The following PTPRD variants were observed in gnomAD, a reference collection of about 807,000 sequenced individuals.
PTPRD encodes the protein receptor-type tyrosine-protein phosphatase delta.
A neutral mutation model predicts 214.5 loss-of-function variants in PTPRD; 34 were observed. The ratio of observed to expected loss-of-function variants is 0.16; its 90% confidence interval spans 0.12 to 0.21. The LOEUF (loss-of-function observed/expected upper bound fraction) is 0.21. Among genes scored for constraint, PTPRD ranks in the 10% least tolerant of loss-of-function variants. The pLI is 1.00. For missense variants in PTPRD, 2,545 were observed against 2,398.7 expected, an observed-to-expected ratio of 1.06 and a Z score of -1.27; for synonymous variants, 1,128 against 845.7, an observed-to-expected ratio of 1.33 and a Z score of -5.79.
At chr9:10,119,509 G>A (rs2098757970) in intron 3 of PTPRD, among the ~76,000 whole-genome samples, 1 of 151,898 alleles carries the variant, frequency 6.6e-6, no homozygotes, top group African/African-American at 2.4e-5. Flanking sequence ...AATATCGAAT[G>A]TGTAAAAGGA....
intron 9 of PTPRD, among the ~76,000 whole-genome samples, chr9:9,393,172 C>G (rs1300059059): frequency 2.6e-5 from 4 of 152,026 alleles, no homozygotes; most frequent in African/African-American, 4.8e-5. Context: ...TTTAGCTGAA[C>G]TGAGAAGAAA....
chr9:10,395,632 G>A (rs1200040001), intron 2 of PTPRD, among the ~76,000 whole-genome samples: 2 of 151,838 alleles, frequency 1.3e-5, no homozygotes, highest in African/African-American at 4.8e-5. Context: ...ACTAATTGTT[G>A]TCCTGCCATC....
intron 9 of PTPRD, among the ~76,000 whole-genome samples, chr9:9,297,136 C>T (rs1953374969): frequency 6.6e-6 from 1 of 151,680 alleles, no homozygotes; most frequent in African/African-American, 2.4e-5. Context: ...CACAGTCTTC[C>T]CAAATTTCTC....
intron 2 of PTPRD, among the ~76,000 whole-genome samples, chr9:10,427,491 G>A (rs684504): frequency 0.069 from 10,480 of 152,056 alleles, 1,232 homozygotes; most frequent in African/African-American, 0.23. Flanking sequence ...TACTTAGTAA[G>A]CATTACTCCA....
chr9:10,086,195 T>C (rs1348734876), intron 3 of PTPRD, among the ~76,000 whole-genome samples: 8 of 151,776 alleles, frequency 5.3e-5, no homozygotes, highest in Admixed American at 5.3e-4. Flanking sequence ...ATAGTAAAAA[T>C]CCTAAATATA....
At chr9:10,307,509 G>A (rs1431776669) in intron 3 of PTPRD, among the ~76,000 whole-genome samples, 1 of 152,026 alleles carries the variant, frequency 6.6e-6, no homozygotes, top group Non-Finnish European at 1.5e-5. Context: ...TGTAAATAGA[G>A]CTACAATATA....
At chr9:8,722,792 T>C (rs2098515409) in intron 12 of PTPRD, among the ~76,000 whole-genome samples, 1 of 152,210 alleles carries the variant, frequency 6.6e-6, no homozygotes, top group Admixed American at 6.5e-5. Context: ...TGTAAAACTA[T>C]CATCTGCTTT....
chr9:10,523,714 A>C (rs2134305159), intron 2 of PTPRD, among the ~76,000 whole-genome samples: 1 of 148,504 alleles, frequency 6.7e-6, no homozygotes, highest in East Asian at 2.0e-4. Context: ...TACAGGTGAA[A>C]TTTTACATAA....
At chr9:9,390,157 T>C (rs2065292324) in intron 9 of PTPRD, among the ~76,000 whole-genome samples, 1 of 152,090 alleles carries the variant, frequency 6.6e-6, no homozygotes, top group Non-Finnish European at 1.5e-5. Flanking sequence ...TGGGGATTCC[T>C]GGGACAGCGG....
At chr9:8,457,291 G>A (rs1038461444) in intron 33 of PTPRD, among the ~76,000 whole-genome samples, 1 of 152,000 alleles carries the variant, frequency 6.6e-6, no homozygotes, top group African/African-American at 2.4e-5. Flanking sequence ...GCCGAACGTT[G>A]CTACTATCTT....
intron 14 of PTPRD, among the ~76,000 whole-genome samples, chr9:8,554,605 C>CT (rs1458928619): frequency 6.6e-6 from 1 of 152,132 alleles, no homozygotes; most frequent in East Asian, 1.9e-4. Context: ...AAGAAATGGA[C>CT]TTTGAGTGCC....
intron 4 of PTPRD, among the ~76,000 whole-genome samples, chr9:10,012,936 C>A (rs1421248943): frequency 6.6e-6 from 1 of 151,778 alleles, no homozygotes; most frequent in Non-Finnish European, 1.5e-5. Context: ...TGGAAATGAT[C>A]TTTGTAATTT....
At chr9:9,879,222 T>C (rs1196172392) in intron 5 of PTPRD, among the ~76,000 whole-genome samples, 2 of 152,200 alleles carry the variant, frequency 1.3e-5, no homozygotes, top group Non-Finnish European at 2.9e-5. Flanking sequence ...TAAAGGTTTT[T>C]CAACCTCCTT....
At chr9:10,222,355 G>A (rs934606931) in intron 3 of PTPRD, among the ~76,000 whole-genome samples, 4 of 151,896 alleles carry the variant, frequency 2.6e-5, no homozygotes, top group Admixed American at 6.6e-5. Flanking sequence ...AAAATAAATA[G>A]AAATTGGCCA....
Position 9,791,327 on chromosome 9 carries a change from T to C in PTPRD, c.-367-24476A>G, listed in dbSNP as rs528941773. ...GTTCTTTAAGAAATTCATAAGATCA[T>C]AGAATCATGTTTTTTTTAAGCTGAA... On this transcript the variant is annotated intron_variant, in intron 5 of 45. Transcript: ENST00000381196. 4.6e-5 allele frequency among the ~76,000 whole-genome samples: 7 copies of C among 152,048 alleles called. No individual in the cohort carries two copies. The South Asian group carries it at 8.3e-4, about 18-fold the overall frequency.
intron 14 of PTPRD, among the ~76,000 whole-genome samples, chr9:8,566,791 C>T (rs2089424205): frequency 6.6e-6 from 1 of 152,108 alleles, no homozygotes; most frequent in African/African-American, 2.4e-5. Context: ...AAACATAGTT[C>T]CAGCCCATTC....
At chr9:8,525,757 G>C (rs1453094754) in intron 17 of PTPRD, among the ~76,000 whole-genome samples, 1 of 152,130 alleles carries the variant, frequency 6.6e-6, no homozygotes, top group Non-Finnish European at 1.5e-5. Flanking sequence ...AGGACCCTGA[G>C]ATGGATCCCC....
intron 7 of PTPRD, among the ~76,000 whole-genome samples, chr9:9,646,682 C>A (rs1048142056): frequency 6.6e-6 from 1 of 152,096 alleles, no homozygotes; most frequent in African/African-American, 2.4e-5. Context: ...ACAGGGCGTA[C>A]ATTCTAAGAC....
At chr9:9,032,036 A>C (rs1010922322) in intron 10 of PTPRD, among the ~76,000 whole-genome samples, 10 of 151,986 alleles carry the variant, frequency 6.6e-5, no homozygotes, top group Non-Finnish European at 2.9e-5. Flanking sequence ...TCATTATAAA[A>C]AGCTTTTTTT....
Sources: allele counts gnomAD v4.1 joint callset (sites outside exome capture counted in the v4.1 genomes callset), GRCh38; gene constraint gnomAD v4.1.1; transcripts MANE v1.5; gene names NCBI Gene and HGNC (gene_info 2026-07-23, HGNC 2026-07-21).